PTH2R: variants seen among roughly 807,000 people sequenced by gnomAD.
PTH2R encodes parathyroid hormone 2 receptor.
PTH2R carries 59 observed loss-of-function variants against 60.3 expected under a neutral mutation model. The ratio of observed to expected loss-of-function variants is 0.98; its 90% confidence interval spans 0.79 to 1.22. PTH2R has a LOEUF of 1.22. PTH2R is among the 50% of genes most tolerant of loss of function. The probability of loss-of-function intolerance (pLI) is 0.00; values close to 1 mark genes in which losing one functional copy is unlikely to be tolerated. For synonymous variants in PTH2R, 256 were observed against 243.8 expected (o/e 1.05, Z -0.47); for missense variants, 749 against 682.6 (o/e 1.10, Z -1.08).
At chr2:208,485,118 C>T (rs1007416690) in intron 10 of PTH2R, among the ~76,000 whole-genome samples, 14 of 152,162 alleles carry the variant, frequency 9.2e-5, no homozygotes, top group East Asian at 1.9e-4. Flanking sequence ...TTCAAGGCCA[C>T]GGGAATTGAT....
chr2:208,441,291 A>T (rs1271171658), intron 4 of PTH2R, among the ~76,000 whole-genome samples: 1 of 152,236 alleles, frequency 6.6e-6, no homozygotes, highest in African/African-American at 2.4e-5. Flanking sequence ...AGTCTGGAAG[A>T]GTCTGAAGTG....
intron 12 of PTH2R, among the ~76,000 whole-genome samples, chr2:208,491,682 C>G (rs1051585157): frequency 5.3e-5 from 8 of 151,890 alleles, no homozygotes; most frequent in African/African-American, 1.5e-4. Context: ...CCCCCGCCCC[C>G]CAAGTCTGCT....
At chr2:208,380,676 A>G (rs1233702971) in intron 1 of PTH2R, among the ~76,000 whole-genome samples, 1 of 152,054 alleles carries the variant, frequency 6.6e-6, no homozygotes, top group African/African-American at 2.4e-5. Flanking sequence ...TCACCGGATA[A>G]AAGGCCTCAG....
intron 2 of PTH2R, among the ~76,000 whole-genome samples, chr2:208,430,887 C>A (rs1574865970): frequency 1.3e-5 from 2 of 151,964 alleles, no homozygotes; most frequent in African/African-American, 2.4e-5. Context: ...TCTTTAAGAA[C>A]TCTTTAACAT....
intron 10 of PTH2R, among the ~76,000 whole-genome samples, chr2:208,484,684 A>G (rs929394042): frequency 6.6e-6 from 1 of 152,224 alleles, no homozygotes; most frequent in Non-Finnish European, 1.5e-5. Flanking sequence ...TTAATGTTAG[A>G]CAAAACTCAT....
chr2:208,381,836 A>G (rs1700920267), intron 1 of PTH2R, among the ~76,000 whole-genome samples: 1 of 152,146 alleles, frequency 6.6e-6, no homozygotes, highest in African/African-American at 2.4e-5. Flanking sequence ...AACTAATCCC[A>G]GCAAGATAAC....
chr2:208,396,848 C>T (rs964741301), intron 1 of PTH2R, among the ~76,000 whole-genome samples: 1 of 152,182 alleles, frequency 6.6e-6, no homozygotes, highest in South Asian at 2.1e-4. Flanking sequence ...TATAATGACA[C>T]ATGCATATGT....
intron 1 of PTH2R, among the ~76,000 whole-genome samples, chr2:208,369,734 T>C (rs1700658758): frequency 1.3e-5 from 2 of 152,078 alleles, no homozygotes; most frequent in South Asian, 4.1e-4. Flanking sequence ...AAGTTGGATA[T>C]CTGGTGCCTT....
At chr2:208,387,491 G>A (rs999982112) in intron 1 of PTH2R, among the ~76,000 whole-genome samples, 15 of 152,118 alleles carry the variant, frequency 9.9e-5, no homozygotes, top group Admixed American at 8.5e-4. Context: ...GTCCCCAAAT[G>A]CCTAATCACT....
At chr2:208,375,306 A>C (rs1330075699) in intron 1 of PTH2R, among the ~76,000 whole-genome samples, 1 of 152,044 alleles carries the variant, frequency 6.6e-6, no homozygotes, top group Non-Finnish European at 1.5e-5. Flanking sequence ...TGAACACTTA[A>C]TTTCAAGTAC....
Position 208,408,739 on chromosome 2 carries a change from AAAG to A in PTH2R, c.75+1623_75+1625del, listed in dbSNP as rs1559211110. ...AGAAAGGAAAGAGAGAGAGAGAGAG[AAAG>A]AGAGAGAGAGAGAGAGAGAGAGAAA... On this transcript the variant is annotated intron_variant, in intron 1 of 12. Coordinates refer to ENST00000272847, the MANE Select transcript of PTH2R (RefSeq NM_005048.4). 1.3e-4 allele frequency among the ~76,000 whole-genome samples: 8 copies of A among 59,422 alleles called. No homozygotes were observed. The East Asian group carries it at 4.6e-3, about 34-fold the overall frequency. 39.0% of individuals were successfully genotyped at this position (59,422 alleles called of 152,430 possible).
chr2:208,488,164 A>C (rs1703316840), intron 10 of PTH2R, among the ~76,000 whole-genome samples: 2 of 152,190 alleles, frequency 1.3e-5, no homozygotes, highest in Non-Finnish European at 2.9e-5. Context: ...ACTATATCAA[A>C]CTACTTAGTT....
At chr2:208,420,070 G>A (rs1701722887) in intron 1 of PTH2R, among the ~76,000 whole-genome samples, 1 of 151,852 alleles carries the variant, frequency 6.6e-6, no homozygotes, top group African/African-American at 2.4e-5. Context: ...TCACTTATAG[G>A]TGGGAATTGA....
At chr2:208,372,371 T>G (rs1483475428) in intron 1 of PTH2R, among the ~76,000 whole-genome samples, 3 of 152,054 alleles carry the variant, frequency 2.0e-5, no homozygotes, top group African/African-American at 7.3e-5. Context: ...GGGACCTTGG[T>G]TTTGGGCAAG....
At position 208,444,696 on chromosome 2, in the gene PTH2R, T is replaced by G. The variant is rs199879281; in HGVS notation, c.700-38T>G. On this transcript the variant is annotated intron_variant, in intron 6 of 12. Coordinates refer to ENST00000272847, the MANE Select transcript of PTH2R (RefSeq NM_005048.4). ...AATGTTGGCATCCAGTACAACAAAG[T>G]GTTCTAATATGATGAAATTCTGGTT... 8.8e-6 allele frequency: 14 copies of G among 1,586,176 alleles called. No homozygotes were observed. In the East Asian group the frequency reaches 3.1e-4, roughly 36 times the overall value.
chr2:208,415,405 C>T (rs1012538932), intron 1 of PTH2R, among the ~76,000 whole-genome samples: 6 of 152,072 alleles, frequency 3.9e-5, no homozygotes, highest in South Asian at 2.1e-4. Flanking sequence ...CACCTACTAC[C>T]GCTTCGCATG....
intron 9 of PTH2R, among the ~76,000 whole-genome samples, chr2:208,480,379 ACC>A (rs2105904678): frequency 6.6e-6 from 1 of 151,946 alleles, no homozygotes; most frequent in South Asian, 2.1e-4. Flanking sequence ...TCCCCTTATG[ACC>A]CCAGACCTGG....
rs1033431596 is a variant in PTH2R, at chr2:208,475,960, T to G, written c.982-5110T>G. 1.7e-4 allele frequency among the ~76,000 whole-genome samples: 26 copies of G among 152,336 alleles called. No individual in the cohort carries two copies. The South Asian group carries it at 5.0e-3, about 29-fold the overall frequency. On this transcript the variant is annotated intron_variant, in intron 9 of 12. Transcript: ENST00000272847. ...GCAAGTAGGTGACTCCTGAGGAAGC[T>G]GCATACTACATAGAGTGCATTAAAT...
chr2:208,493,151 G>A, intron 12 of PTH2R, 113 bp from the exon 13 acceptor site: 1 of 1,171,864 alleles, frequency 8.5e-7, no homozygotes, highest in Non-Finnish European at 1.1e-6. Flanking sequence ...GCACGTAGAG[G>A]AACCTCAATC....
Sources: allele counts gnomAD v4.1 joint callset (sites outside exome capture counted in the v4.1 genomes callset), GRCh38; gene constraint gnomAD v4.1.1; transcripts MANE v1.5; gene names NCBI Gene and HGNC (gene_info 2026-07-23, HGNC 2026-07-21).